The following POU6F2 variants were observed in gnomAD, a reference collection of about 807,000 sequenced individuals.
The protein encoded by POU6F2 is POU class 6 homeobox 2.
POU6F2 carries 31 observed loss-of-function variants against 71.3 expected under a neutral mutation model. The ratio of observed to expected loss-of-function variants is 0.43; its 90% CI spans 0.33 to 0.59. The LOEUF is 0.59. Among genes scored for constraint, POU6F2 ranks in the 20% least tolerant of loss-of-function variants. POU6F2 has a pLI of 0.04. For synonymous variants in POU6F2, 347 were observed against 355.7 expected (o/e 0.98, Z 0.27); for missense variants, 783 against 856.8 (o/e 0.91, Z 1.07).
chr7:39,262,350 A>G (rs1784152146), intron 4 of POU6F2, among the ~76,000 whole-genome samples: 1 of 152,202 alleles, frequency 6.6e-6, no homozygotes, highest in Non-Finnish European at 1.5e-5. Context: ...CCATAGTCAC[A>G]GCGGCTGGAG....
chr7:39,296,866 A>G (rs1384148408), intron 4 of POU6F2, among the ~76,000 whole-genome samples: 1 of 152,236 alleles, frequency 6.6e-6, no homozygotes, highest in Non-Finnish European at 1.5e-5. Flanking sequence ...GAATGCATGA[A>G]TGAACGAATC....
At chr7:39,105,783 T>C (rs1013720178) in intron 2 of POU6F2, among the ~76,000 whole-genome samples, 1 of 152,212 alleles carries the variant, frequency 6.6e-6, no homozygotes, top group Non-Finnish European at 1.5e-5. Context: ...AACTTAGTAC[T>C]GAATTCTTTT....
rs146975827 is a variant in POU6F2, at chr7:39,157,463, T to C, written c.278-46772T>C. Among the ~76,000 whole-genome samples, 49 of 152,284 alleles carry C rather than the reference T, an allele frequency of 3.2e-4. No individual in the cohort carries two copies. In the East Asian group the frequency reaches 9.3e-3, roughly 29 times the overall value. Reference sequence around the variant, plus strand: ...TAAAAATACATTTAACATTACTGGTTATTGCAAATCCAGTCTCAGTGAGTT... The same window carrying C: ...TAAAAATACATTTAACATTACTGGTCATTGCAAATCCAGTCTCAGTGAGTT... On this transcript the variant is annotated intron_variant, in intron 2 of 9. Transcript: ENST00000518318.
At chr7:39,164,645 G>C (rs1039646166) in intron 2 of POU6F2, among the ~76,000 whole-genome samples, 1 of 151,898 alleles carries the variant, frequency 6.6e-6, no homozygotes, top group Non-Finnish European at 1.5e-5. Context: ...GTGCACTGAA[G>C]CAGGGTGGAG....
intron 4 of POU6F2, among the ~76,000 whole-genome samples, chr7:39,299,721 A>G (rs1562781799): frequency 6.6e-6 from 1 of 152,166 alleles, no homozygotes; most frequent in Non-Finnish European, 1.5e-5. Context: ...TCTCACTGGC[A>G]TTTTTGCTGT....
intron 5 of POU6F2, among the ~76,000 whole-genome samples, chr7:39,347,069 T>C (rs1786046447): frequency 6.6e-6 from 1 of 152,214 alleles, no homozygotes; most frequent in African/African-American, 2.4e-5. Context: ...CAGCACATCC[T>C]TCTGAGCCTC....
intron 7 of POU6F2, among the ~76,000 whole-genome samples, chr7:39,435,694 G>T (rs1788222771): frequency 6.6e-6 from 1 of 152,172 alleles, no homozygotes; most frequent in Non-Finnish European, 1.5e-5. Context: ...TTGTCATGAA[G>T]TCTTTGCCCA....
intron 5 of POU6F2, among the ~76,000 whole-genome samples, chr7:39,354,036 G>T (rs549900055): frequency 6.6e-6 from 1 of 152,194 alleles, no homozygotes; most frequent in Non-Finnish European, 1.5e-5. Context: ...CGCTCCAGGC[G>T]GCCCGGCAGG....
chr7:39,316,212 T>G (rs1249307614), intron 4 of POU6F2, among the ~76,000 whole-genome samples: 1 of 152,194 alleles, frequency 6.6e-6, no homozygotes, highest in African/African-American at 2.4e-5. Context: ...CATTCCTGTT[T>G]TAAATGCCCA....
At chr7:39,037,847 G>GT (rs1302616477) in intron 1 of POU6F2, among the ~76,000 whole-genome samples, 1 of 152,016 alleles carries the variant, frequency 6.6e-6, no homozygotes, top group African/African-American at 2.4e-5. Context: ...TACCTTTCTA[G>GT]TTTTCTGAAG....
intron 4 of POU6F2, among the ~76,000 whole-genome samples, chr7:39,273,334 T>C (rs983800567): frequency 6.6e-6 from 1 of 152,200 alleles, no homozygotes; most frequent in Non-Finnish European, 1.5e-5. Flanking sequence ...AGGTTAACAT[T>C]ATCAGCGATG....
At chr7:39,300,297 C>T (rs1318535535) in intron 4 of POU6F2, among the ~76,000 whole-genome samples, 2 of 152,146 alleles carry the variant, frequency 1.3e-5, no homozygotes, top group African/African-American at 4.8e-5. Context: ...GAATGGAAAC[C>T]ATGCAGATAA....
intron 2 of POU6F2, among the ~76,000 whole-genome samples, chr7:39,199,761 T>C (rs1477783603): frequency 6.6e-6 from 1 of 152,168 alleles, no homozygotes; most frequent in Non-Finnish European, 1.5e-5. Context: ...CCAATGGTGT[T>C]GAGTGAACAA....
intron 4 of POU6F2, among the ~76,000 whole-genome samples, chr7:39,323,379 C>T (rs890910157): frequency 2.6e-5 from 4 of 152,200 alleles, no homozygotes; most frequent in African/African-American, 4.8e-5. Context: ...GAAAAATGGA[C>T]AATACATATT....
intron 4 of POU6F2, among the ~76,000 whole-genome samples, chr7:39,328,634 G>A (rs1358160277): frequency 2.0e-5 from 3 of 152,196 alleles, no homozygotes; most frequent in Admixed American, 1.3e-4. Context: ...TTTACAAAGA[G>A]AAATATAATT....
intron 6 of POU6F2, among the ~76,000 whole-genome samples, chr7:39,412,064 T>C (rs1787561001): frequency 6.6e-6 from 1 of 152,226 alleles, no homozygotes; most frequent in African/African-American, 2.4e-5. Flanking sequence ...TGGACTTTTA[T>C]TGGAACCCAA....
intron 4 of POU6F2, among the ~76,000 whole-genome samples, chr7:39,264,544 A>G (rs1254775428): frequency 2.6e-5 from 4 of 152,150 alleles, no homozygotes; most frequent in African/African-American, 9.7e-5. Flanking sequence ...AATTCTGCCA[A>G]ACCTGGCCAC....
chr7:39,043,271 A>G (rs1328169999), intron 1 of POU6F2, among the ~76,000 whole-genome samples: 1 of 151,992 alleles, frequency 6.6e-6, no homozygotes, highest in Admixed American at 6.6e-5. Flanking sequence ...ACTGGGAAAA[A>G]AAATGGAACT....
At chr7:38,980,595 C>T (rs188061123) in intron 1 of POU6F2, among the ~76,000 whole-genome samples, 1 of 152,244 alleles carries the variant, frequency 6.6e-6, no homozygotes, top group East Asian at 1.9e-4. Context: ...TAGCTCTTGT[C>T]TTAAATATCG....
Sources: allele counts gnomAD v4.1 joint callset (sites outside exome capture counted in the v4.1 genomes callset), GRCh38; gene constraint gnomAD v4.1.1; transcripts MANE v1.5; gene names NCBI Gene and HGNC (gene_info 2026-07-23, HGNC 2026-07-21).